Variants in SLC27A6 observed in about 807,000 individuals in gnomAD.
The protein encoded by SLC27A6 is solute carrier family 27 member 6.
A neutral mutation model predicts 63.9 loss-of-function variants in SLC27A6; 74 were observed. The observed-to-expected ratio is 1.16, with a 90% confidence interval of 0.96 to 1.40. The LOEUF is 1.40. Among genes scored for constraint, SLC27A6 ranks in the 40% most tolerant of loss-of-function variants. The pLI, the probability that SLC27A6 is intolerant of heterozygous loss-of-function variation, is 0.00. For missense variants in SLC27A6, 794 were observed against 732.9 expected (o/e 1.08, Z -0.96); for synonymous variants, 287 against 260.8 (o/e 1.10, Z -0.97).
chr5:128,966,602 C>G lies in SLC27A6; in HGVS notation c.465C>G (p.Ala155=). The G allele has an allele frequency of 6.6e-7, 1 of 1,526,198 alleles. No individual in the cohort carries two copies. The highest frequency in any genetic ancestry group is 8.7e-7 in the Non-Finnish European group (1 of 1,145,404). The allele number at this position is 1,526,198 out of a possible 1,614,324, so 94.5% of individuals were successfully genotyped here. A position where few individuals can be genotyped will look rare whatever the true frequency, so the allele number is the denominator to read the frequency against. The change falls in exon 1 of 10, where the codon GCC becomes GCG. Residue 155 remains alanine, a synonymous_variant. Coordinates refer to ENST00000262462, the MANE Select transcript of SLC27A6 (RefSeq NM_001017372.3). ...GCATCCGCGCCTGTGGGCCCAGAGCCCTAGTGGTGGGCGCAGGTAGAGTAT... is the reference window on the plus strand; with the variant it reads ...GCATCCGCGCCTGTGGGCCCAGAGCGCTAGTGGTGGGCGCAGGTAGAGTAT... ...LNCIRACGPR[A]LVVGADLLGT... is the part of the protein sequence containing the mutation.
chr5:129,029,244 T>C (rs756174283), intron 8 of SLC27A6, among the ~76,000 whole-genome samples: 2 of 152,134 alleles, frequency 1.3e-5, no homozygotes, highest in Non-Finnish European at 2.9e-5. Context: ...TGCTGGAATA[T>C]AGTTGCCTTT....
At chr5:129,014,450 T>A (rs1425276227) in intron 4 of SLC27A6, among the ~76,000 whole-genome samples, 1 of 152,118 alleles carries the variant, frequency 6.6e-6, no homozygotes, top group Non-Finnish European at 1.5e-5. Flanking sequence ...TATGGTTAGG[T>A]CTTTGTGCTT....
In SLC27A6 at chr5:128,997,309, A is replaced by G. The variant is rs115694428; in HGVS notation, c.969+6845A>G. Among the ~76,000 whole-genome samples the G allele has an allele frequency of 3.1e-3, 466 of 152,282 alleles. 2 individuals carry two copies. Among genetic ancestry groups the G allele is most frequent in the African/African-American group, 0.011 (448 of 41,566 alleles). On this transcript the variant is annotated intron_variant, in intron 4 of 9. Transcript: ENST00000262462. ...TTTTTATTATTTGTATTCCTCAAAT[A>G]TTTGAAGCATATTATATGGTTGAGA...
intron 5 of SLC27A6, among the ~76,000 whole-genome samples, chr5:129,019,157 C>A (rs1481934268): frequency 1.3e-5 from 2 of 152,054 alleles, no homozygotes; most frequent in East Asian, 1.9e-4. Context: ...GCTACACTTA[C>A]TATTTTAATG....
intron 5 of SLC27A6, among the ~76,000 whole-genome samples, chr5:129,020,494 G>C (rs989466339): frequency 7.9e-6 from 1 of 126,378 alleles, no homozygotes; most frequent in Non-Finnish European, 1.7e-5. Flanking sequence ...AAATGGGAGT[G>C]GGGGGGAGGA....
At chr5:129,003,807 A>G (rs1030601051) in intron 4 of SLC27A6, among the ~76,000 whole-genome samples, 4 of 151,928 alleles carry the variant, frequency 2.6e-5, no homozygotes, top group Non-Finnish European at 5.9e-5. Flanking sequence ...TCATCTCTAC[A>G]AAAGTAAAAA....
At chr5:129,016,114 T>C in intron 5 of SLC27A6, 35 bp downstream of exon 5, 1 of 1,471,210 alleles carries the variant, frequency 6.8e-7, no homozygotes, top group Non-Finnish European at 9.2e-7. Context: ...AAGAAATACA[T>C]CGGTGCGGTG....
chr5:129,013,378 C>A (rs1476534023), intron 4 of SLC27A6, among the ~76,000 whole-genome samples: 1 of 152,006 alleles, frequency 6.6e-6, no homozygotes, highest in African/African-American at 2.4e-5. Context: ...TGTGTGAAAA[C>A]ATGTTTTTCC....
At chr5:128,990,610 A>C in intron 4 of SLC27A6, 146 bp downstream of exon 4, 1 of 842,240 alleles carries the variant, frequency 1.2e-6, no homozygotes, top group Non-Finnish European at 1.8e-6. Context: ...GGCAGGTGCT[A>C]CCTAGATGGT....
At chr5:128,971,342 A>G (rs1179002671) in intron 1 of SLC27A6, among the ~76,000 whole-genome samples, 2 of 152,036 alleles carry the variant, frequency 1.3e-5, no homozygotes, top group Non-Finnish European at 2.9e-5. Context: ...TGATCTGTCT[A>G]ATATTGACAG....
intron 4 of SLC27A6, among the ~76,000 whole-genome samples, chr5:129,000,580 A>G (rs1414193450): frequency 3.3e-5 from 5 of 152,146 alleles, no homozygotes; most frequent in Non-Finnish European, 7.4e-5. Flanking sequence ...CAAAGTTTCT[A>G]TCGTTGCAGG....
At chr5:129,015,023 G>A (rs1347654541) in intron 4 of SLC27A6, among the ~76,000 whole-genome samples, 1 of 152,078 alleles carries the variant, frequency 6.6e-6, no homozygotes, top group Non-Finnish European at 1.5e-5. Context: ...TTTAAATTAT[G>A]GGTACCAAAG....
At chr5:128,974,123 T>C (rs1256724429) in intron 1 of SLC27A6, among the ~76,000 whole-genome samples, 2 of 152,180 alleles carry the variant, frequency 1.3e-5, no homozygotes, top group African/African-American at 4.8e-5. Context: ...TTAAAGTACA[T>C]AGGACTGGCT....
At position 128,976,520 on chromosome 5, in the gene SLC27A6, A is replaced by C. The variant is rs184907918; in HGVS notation, c.482-8613A>C. On this transcript the variant is annotated intron_variant, in intron 1 of 9. Coordinates refer to ENST00000262462, the MANE Select transcript of SLC27A6 (RefSeq NM_001017372.3). ...CAAGAATGAAACTCCGTCTCAAACAAAACAAAACAAAACAAAACAAAAAAT... is the reference window on the plus strand; with the variant it reads ...CAAGAATGAAACTCCGTCTCAAACACAACAAAACAAAACAAAACAAAAAAT... 1.5e-3 allele frequency among the ~76,000 whole-genome samples: 234 copies of C among 151,612 alleles called. 1 individual carries two copies. The highest frequency in any genetic ancestry group is 5.4e-3 in the African/African-American group (223 of 41,340).
At chr5:129,007,242 A>G (rs1187715299) in intron 4 of SLC27A6, among the ~76,000 whole-genome samples, 2 of 151,890 alleles carry the variant, frequency 1.3e-5, no homozygotes, top group Admixed American at 6.6e-5. Flanking sequence ...TCAGGAGTTC[A>G]GGACCAGCCT....
intron 1 of SLC27A6, among the ~76,000 whole-genome samples, chr5:128,968,874 T>G (rs1750018336): frequency 6.6e-6 from 1 of 152,236 alleles, no homozygotes; most frequent in Admixed American, 6.5e-5. Context: ...CTAGATTTTC[T>G]TCTATGGTTC....
At chr5:129,009,418 A>G (rs985062188) in intron 4 of SLC27A6, among the ~76,000 whole-genome samples, 2 of 152,040 alleles carry the variant, frequency 1.3e-5, no homozygotes, top group Non-Finnish European at 2.9e-5. Context: ...CCACACACAT[A>G]TCTTCTCTCT....
At chr5:129,002,264 A>G (rs1751362059) in intron 4 of SLC27A6, among the ~76,000 whole-genome samples, 1 of 152,258 alleles carries the variant, frequency 6.6e-6, no homozygotes, top group Non-Finnish European at 1.5e-5. Context: ...TAAGCATCTG[A>G]CAAATAAAAC....
At chr5:128,989,539 C>G (rs1277191042) in intron 3 of SLC27A6, among the ~76,000 whole-genome samples, 1 of 152,166 alleles carries the variant, frequency 6.6e-6, no homozygotes, top group Non-Finnish European at 1.5e-5. Flanking sequence ...AGTGGACATA[C>G]ATTGTTGTCA....
Sources: gnomAD v4.1 joint callset for allele counts (sites outside exome capture counted in the v4.1 genomes callset) on GRCh38, gnomAD v4.1.1 for gene constraint, MANE v1.5 for transcripts, NCBI Gene and HGNC (gene_info 2026-07-23, HGNC 2026-07-21) for gene names.